Variants in AKTIP observed in about 807,000 individuals in gnomAD.
The protein encoded by AKTIP is AKT-interacting protein.
Under a neutral mutation model 39.1 loss-of-function variants are expected in AKTIP, and 16 were observed. The observed-to-expected ratio is 0.41, with a 90% confidence interval of 0.28 to 0.62. The LOEUF (loss-of-function observed/expected upper bound fraction) is 0.62. Among genes scored for constraint, AKTIP ranks in the 20% least tolerant of loss-of-function variants. AKTIP has a pLI of 0.32. For missense variants in AKTIP, 262 were observed against 356.6 expected (o/e 0.73, Z 2.14); for synonymous variants, 93 against 124.3 (o/e 0.75, Z 1.67).
At chr16:53,503,380 A>G (rs1311327286), upstream of AKTIP, 6 of 152,298 alleles carry the variant, frequency 3.9e-5, no homozygotes, top group Non-Finnish European at 8.8e-5. Context: ...CCCGTCAAAG[A>G]CGTTCTTCCG....
chr16:53,497,375 C>CTCTTCCCTAGA (rs1310135542), intron 3 of AKTIP, among the ~76,000 whole-genome samples: 1 of 152,208 alleles, frequency 6.6e-6, no homozygotes, highest in Non-Finnish European at 1.5e-5. Flanking sequence ...ACATCTTTGT[C>CTCTTCCCTAGA]TCTTCCCTAG....
chr16:53,503,025 CGTCGCCGA>C (rs1168615604), intron 1 of AKTIP, 114 bp downstream of exon 1: 1 of 152,304 alleles, frequency 6.6e-6, no homozygotes, highest in Admixed American at 6.5e-5. Flanking sequence ...CTGCGGCCGC[CGTCGCCGA>C]GTCGCGAGCG....
In AKTIP at chr16:53,498,511, A is replaced by G. The variant is rs986386188; in HGVS notation, c.128T>C (p.Ile43Thr). The stretch of plus-strand genomic sequence containing the variant: ...AGTTATGGGCAAAGCATTTTTGGGA[A>G]TAGAAGGCAGCTGTTTCTTTGGTGC... ...RTAPKKQLPS[I>T]PKNALPITKP... Residue 43 changes from isoleucine to threonine, a missense_variant, in exon 3 of 10, where the codon ATT (isoleucine) becomes ACT (threonine). Ile to Thr is a moderately conservative substitution (Grantham distance 89). Transcript: ENST00000394657. 9.3e-6 allele frequency: 15 copies of G among 1,614,094 alleles called. No individual in the cohort carries two copies. Among genetic ancestry groups the G allele is most frequent in the Non-Finnish European group, 1.1e-5 (13 of 1,179,912 alleles).
intron 1 of AKTIP, 26 bp downstream of exon 1, chr16:53,503,121 C>A (rs1158756427): frequency 6.6e-6 from 1 of 152,512 alleles, no homozygotes; most frequent in African/African-American, 2.4e-5. Context: ...CGCGTACCCA[C>A]CAGCCTGCCG....
intron 8 of AKTIP, 66 bp from the exon 9 acceptor site, chr16:53,492,819 T>C: frequency 6.7e-7 from 1 of 1,497,940 alleles, no homozygotes; most frequent in Non-Finnish European, 9.2e-7. Context: ...ACATTCATTT[T>C]GCAGTTTTAA....
rs749049970 is a variant in AKTIP at position 53,494,324 on chromosome 16, G to A, written c.602+15C>T. ...CTTCAAATTTATTTTAAATAACAAA[G>A]CAAAAGTTACATACAGTACTGCAGC... On this transcript the variant is annotated intron_variant, in intron 7 of 9. Coordinates refer to ENST00000394657, the MANE Select transcript of AKTIP (RefSeq NM_022476.4). 1.2e-6 allele frequency: 2 copies of A among 1,613,242 alleles called. No homozygotes were observed. The highest frequency in any genetic ancestry group is 3.3e-5 in the Admixed American group (2 of 59,914).
chr16:53,503,007 G>C (rs1598165082), intron 1 of AKTIP, 140 bp downstream of exon 1: 2 of 152,314 alleles, frequency 1.3e-5, no homozygotes, highest in African/African-American at 2.4e-5. Flanking sequence ...CCCCGCCTCC[G>C]TGTCCCACTG....
upstream of AKTIP, among the ~76,000 whole-genome samples, chr16:53,503,506 A>C (rs1022254505): frequency 3.3e-5 from 5 of 152,174 alleles, no homozygotes; most frequent in Admixed American, 6.5e-5. Flanking sequence ...CAGTCATGGA[A>C]GTATCGGCCC....
chr16:53,495,474 C>T, intron 3 of AKTIP, 148 bp from the exon 4 acceptor site: 1 of 709,768 alleles, frequency 1.4e-6, no homozygotes. Flanking sequence ...CAATCTCTCA[C>T]CTGACACAAC....
intron 1 of AKTIP, among the ~76,000 whole-genome samples, chr16:53,500,669 C>G (rs1408775759): frequency 6.6e-6 from 1 of 152,156 alleles, no homozygotes; most frequent in East Asian, 1.9e-4. Context: ...TGAGCCACCA[C>G]GCCCGGCCAA....
chr16:53,497,698 G>C (rs1252101506), intron 3 of AKTIP, among the ~76,000 whole-genome samples: 2 of 152,216 alleles, frequency 1.3e-5, no homozygotes, highest in African/African-American at 4.8e-5. Flanking sequence ...AAACCTCCAG[G>C]AGGCGAATTC....
In AKTIP at chr16:53,495,169, C is replaced by T; in HGVS notation, c.318G>A (p.Trp106Ter). 6.2e-7 allele frequency: 1 copy of T among 1,613,344 alleles called. No individual in the cohort carries two copies. Among genetic ancestry groups the T allele is most frequent in the Non-Finnish European group, 8.5e-7 (1 of 1,179,492 alleles). Residue 106 changes from tryptophan (W) to a stop codon, truncating the protein, a stop_gained, in exon 5 of 10, where the codon TGG becomes TGA. Coordinates refer to ENST00000394657, the MANE Select transcript of AKTIP (RefSeq NM_022476.4). LOFTEE classifies it high-confidence loss of function. ...CATGCCGTATGAATATTACTCCAAACCACACTGTAGGAAAAAATAAAAGAG... is the reference window on the plus strand; with the variant it reads ...CATGCCGTATGAATATTACTCCAAATCACACTGTAGGAAAAAATAAAAGAG... The part of the protein sequence containing the change: ...VQPSYRSALM[W>*]FGVIFIRHGL...
intron 1 of AKTIP, among the ~76,000 whole-genome samples, chr16:53,502,096 G>A (rs892644811): frequency 6.6e-6 from 1 of 152,178 alleles, no homozygotes; most frequent in African/African-American, 2.4e-5. Flanking sequence ...GTCTCTTAAA[G>A]GTCTAACGCG....
chr16:53,494,360 A>G lies in AKTIP; in HGVS notation c.581T>C (p.Leu194Pro), dbSNP rs773241653. 1.9e-6 allele frequency: 3 copies of G among 1,614,226 alleles called. No homozygotes were observed. Among genetic ancestry groups the G allele is most frequent in the East Asian group, 2.2e-5 (1 of 44,892 alleles). Residue 194 changes from leucine to proline, a missense_variant, in exon 7 of 10, where the codon CTG (leucine) becomes CCG (proline). Coordinates refer to ENST00000394657, the MANE Select transcript of AKTIP (RefSeq NM_022476.4). Reference protein sequence around the residue: ...VFYKIDTASPLNPEAAVLYEK... With the variant: ...VFYKIDTASPPNPEAAVLYEK... ...ATACAGTACTGCAGCCTCTGGGTTC[A>G]GGGGGCTTGCTGTATCAATCTTGTA...
chr16:53,500,901 T>G (rs1330164737), intron 1 of AKTIP, among the ~76,000 whole-genome samples: 1 of 152,226 alleles, frequency 6.6e-6, no homozygotes, highest in Admixed American at 6.5e-5. Context: ...TTCAGATTAC[T>G]CAGTGACACA....
intron 3 of AKTIP, among the ~76,000 whole-genome samples, chr16:53,496,117 C>G (rs188583747): frequency 6.2e-4 from 94 of 152,348 alleles, no homozygotes; most frequent in Non-Finnish European, 1.3e-3. Context: ...TGGATTCTAT[C>G]AAGAACTAGT....
chr16:53,500,337 C>T lies in AKTIP; in HGVS notation c.-70-8G>A. 1 of 1,571,192 alleles carries T rather than the reference C, an allele frequency of 6.4e-7. No individual in the cohort carries two copies. The highest frequency in any genetic ancestry group is 1.2e-5 in the South Asian group (1 of 85,150). ...CTTCGGCATTCACTTTACCTTAAAA[C>T]AAGACGGGAAGACATAGAAACATGC... On this transcript the variant is annotated splice_region_variant and splice_polypyrimidine_tract_variant and intron_variant, in intron 1 of 9. Coordinates refer to ENST00000394657, the MANE Select transcript of AKTIP (RefSeq NM_022476.4).
intron 9 of AKTIP, 75 bp downstream of exon 9, chr16:53,492,618 T>C: frequency 6.3e-7 from 1 of 1,599,574 alleles, no homozygotes; most frequent in African/African-American, 1.3e-5. Flanking sequence ...TTGTATGTAA[T>C]GAGCAGTCTC....
upstream of AKTIP, among the ~76,000 whole-genome samples, chr16:53,503,459 A>T (rs1025264625): frequency 1.3e-5 from 2 of 151,608 alleles, no homozygotes; most frequent in African/African-American, 4.9e-5. Context: ...ACTGCACTTG[A>T]CCCTCCCCTT....
Sources: gnomAD v4.1 joint callset for allele counts (sites outside exome capture counted in the v4.1 genomes callset) on GRCh38, gnomAD v4.1.1 for gene constraint, MANE v1.5 for transcripts, NCBI Gene and HGNC (gene_info 2026-07-23, HGNC 2026-07-21) for gene names.